CAMK4: variants seen among roughly 807,000 people sequenced by gnomAD.
The protein encoded by CAMK4 is calcium/calmodulin-dependent protein kinase type IV.
A neutral mutation model predicts 44.9 loss-of-function variants in CAMK4; 22 were observed. That is an observed-to-expected ratio of 0.49 (90% CI 0.35 to 0.70). CAMK4 has a LOEUF of 0.70. Ranked by LOEUF, CAMK4 falls within the 30% of genes least tolerant of loss-of-function variation. CAMK4 has a pLI of 0.01. For synonymous variants in CAMK4, 218 were observed against 215.4 expected (o/e 1.01, Z -0.11); for missense variants, 498 against 586.8 (o/e 0.85, Z 1.56).
intron 2 of CAMK4, among the ~76,000 whole-genome samples, chr5:111,346,729 A>C (rs781620301): frequency 4.6e-5 from 7 of 151,934 alleles, no homozygotes; most frequent in Non-Finnish European, 7.4e-5. Context: ...TGACAGCCAG[A>C]AATCTGTGGC....
chr5:111,246,440 G>T (rs554460722), intron 1 of CAMK4, among the ~76,000 whole-genome samples: 212 of 152,278 alleles, frequency 1.4e-3, no homozygotes, highest in Non-Finnish European at 2.1e-3. Context: ...TTAACCAATG[G>T]AATAGATTTA....
At chr5:111,317,180 C>G (rs1164553439) in intron 1 of CAMK4, among the ~76,000 whole-genome samples, 1 of 152,098 alleles carries the variant, frequency 6.6e-6, no homozygotes, top group Non-Finnish European at 1.5e-5. Context: ...TGCTAGGAGA[C>G]TTTCTTCCCA....
At chr5:111,270,368 C>T (rs942472460) in intron 1 of CAMK4, among the ~76,000 whole-genome samples, 9 of 152,158 alleles carry the variant, frequency 5.9e-5, no homozygotes, top group Admixed American at 5.2e-4. Context: ...AACAACTAAG[C>T]ACCTAGGTCA....
chr5:111,247,387 CTTATT>C (rs1407662503), intron 1 of CAMK4, among the ~76,000 whole-genome samples: 3 of 146,084 alleles, frequency 2.1e-5, no homozygotes, highest in East Asian at 2.0e-4. Context: ...ATAAATGGAA[CTTATT>C]TTATATTTAT....
At chr5:111,393,105 A>G (rs1281146229) in intron 4 of CAMK4, among the ~76,000 whole-genome samples, 1 of 152,226 alleles carries the variant, frequency 6.6e-6, no homozygotes, top group Non-Finnish European at 1.5e-5. Flanking sequence ...TAAGAATTGT[A>G]TTACTAGAAA....
intron 2 of CAMK4, among the ~76,000 whole-genome samples, chr5:111,371,994 G>A (rs1751025086): frequency 6.6e-6 from 1 of 152,136 alleles, no homozygotes; most frequent in African/African-American, 2.4e-5. Context: ...TCCTACATCA[G>A]CTTTCAGTAT....
At chr5:111,353,358 CT>C (rs139038752) in intron 2 of CAMK4, among the ~76,000 whole-genome samples, 2,481 of 148,960 alleles carry the variant, frequency 0.017, 73 homozygotes, top group African/African-American at 0.058. Flanking sequence ...TCTGATTTCA[CT>C]TTTTTTTTTC....
intron 1 of CAMK4, among the ~76,000 whole-genome samples, chr5:111,289,769 A>G (rs1459557559): frequency 6.6e-6 from 1 of 152,188 alleles, no homozygotes; most frequent in African/African-American, 2.4e-5. Flanking sequence ...CACCATTATC[A>G]CAGTGCACCA....
chr5:111,429,938 AGAG>A (rs1479773091), intron 5 of CAMK4, among the ~76,000 whole-genome samples: 1 of 151,070 alleles, frequency 6.6e-6, no homozygotes, highest in Non-Finnish European at 1.5e-5. Flanking sequence ...AAAAAATAGA[AGAG>A]GAGGGAATAC....
intron 5 of CAMK4, among the ~76,000 whole-genome samples, chr5:111,431,107 C>A (rs1195657829): frequency 6.6e-6 from 1 of 151,908 alleles, no homozygotes; most frequent in Non-Finnish European, 1.5e-5. Context: ...AATGACCAAA[C>A]CAGCTATAGT....
intron 1 of CAMK4, among the ~76,000 whole-genome samples, chr5:111,294,871 G>A (rs891937892): frequency 3.3e-5 from 5 of 152,102 alleles, no homozygotes; most frequent in Non-Finnish European, 7.3e-5. Flanking sequence ...TTAAATTGCT[G>A]CAGATGCTAC....
intron 2 of CAMK4, among the ~76,000 whole-genome samples, chr5:111,345,455 G>T (rs116142728): frequency 6.6e-6 from 1 of 151,808 alleles, no homozygotes; most frequent in Non-Finnish European, 1.5e-5. Flanking sequence ...TTATGAAATA[G>T]AATTTCCTGT....
intron 1 of CAMK4, among the ~76,000 whole-genome samples, chr5:111,328,855 TG>T (rs1266704269): frequency 6.6e-6 from 1 of 152,090 alleles, no homozygotes; most frequent in Non-Finnish European, 1.5e-5. Context: ...TTTTGTACAT[TG>T]ATTTTGTATC....
chr5:111,494,367 T>C lies in CAMK4; in HGVS notation c.*9901T>C, dbSNP rs1385944980. 1 of 152,190 alleles carries C rather than the reference T, an allele frequency of 6.6e-6. No homozygotes were observed. Among genetic ancestry groups the C allele is most frequent in the African/African-American group, 2.4e-5 (1 of 41,454 alleles). The allele number at this position is 152,190 out of a possible 1,614,324, so 9.4% of individuals were successfully genotyped here. A position where few individuals can be genotyped will look rare whatever the true frequency, so the allele number is the denominator to read the frequency against. On this transcript the variant is annotated 3_prime_UTR_variant, in exon 11 of 11. Transcript: ENST00000282356. ...CTATTGACTACTTAATACAAAGATATATTACAATATTTTTAGGTAAATGTA... is the reference window on the plus strand; with the variant it reads ...CTATTGACTACTTAATACAAAGATACATTACAATATTTTTAGGTAAATGTA...
At chr5:111,360,037 A>G (rs999450622) in intron 2 of CAMK4, among the ~76,000 whole-genome samples, 2 of 152,026 alleles carry the variant, frequency 1.3e-5, no homozygotes, top group African/African-American at 4.8e-5. Context: ...AAATTTACCC[A>G]CCACACTTAC....
At chr5:111,449,252 A>G (rs1754146168) in intron 7 of CAMK4, 49 bp downstream of exon 7, 9 of 854,266 alleles carry the variant, frequency 1.1e-5, no homozygotes, top group Non-Finnish European at 1.6e-5. Flanking sequence ...TTTGAAATGT[A>G]TTTTTGTTTA....
chr5:111,436,641 G>C (rs1173127436), intron 5 of CAMK4, among the ~76,000 whole-genome samples: 1 of 152,190 alleles, frequency 6.6e-6, no homozygotes, highest in African/African-American at 2.4e-5. Flanking sequence ...GAGTCTAACA[G>C]GATGCCTTCA....
At chr5:111,344,727 AG>A (rs1287349460) in intron 2 of CAMK4, among the ~76,000 whole-genome samples, 1 of 151,754 alleles carries the variant, frequency 6.6e-6, no homozygotes, top group East Asian at 2.0e-4. Flanking sequence ...CTACACTCAT[AG>A]ATAAGCTGAG....
chr5:111,373,746 C>T (rs558837286), intron 2 of CAMK4, among the ~76,000 whole-genome samples: 37 of 152,260 alleles, frequency 2.4e-4, no homozygotes, highest in Non-Finnish European at 5.0e-4. Context: ...TAAACTTCTT[C>T]ACTTCTAAAA....
Sources: gnomAD v4.1 joint callset for allele counts (sites outside exome capture counted in the v4.1 genomes callset) on GRCh38, gnomAD v4.1.1 for gene constraint, MANE v1.5 for transcripts, NCBI Gene and HGNC (gene_info 2026-07-23, HGNC 2026-07-21) for gene names.